ROBO2: variants seen among roughly 807,000 people sequenced by gnomAD.
The protein encoded by ROBO2 is roundabout guidance receptor 2.
A neutral mutation model predicts 160.8 loss-of-function variants in ROBO2; 53 were observed. That is an observed-to-expected ratio of 0.33 (90% CI 0.26 to 0.41). The LOEUF is 0.41. ROBO2 is among the 10% of genes least tolerant of loss of function. The pLI is 1.00. For missense variants in ROBO2, 1,577 were observed against 1,722.4 expected, an observed-to-expected ratio of 0.92 and a Z score of 1.49; for synonymous variants, 664 against 611.7, an observed-to-expected ratio of 1.09 and a Z score of -1.26.
At chr3:76,103,818 A>G (rs28584856) in intron 2 of ROBO2, among the ~76,000 whole-genome samples, 4 of 152,028 alleles carry the variant, frequency 2.6e-5, no homozygotes, top group South Asian at 2.1e-4. Flanking sequence ...GGTGAAGTCA[A>G]TTTGTCCCTT....
intron 2 of ROBO2, among the ~76,000 whole-genome samples, chr3:76,345,947 TA>T (rs1239696784): frequency 3.3e-5 from 5 of 152,136 alleles, no homozygotes. Flanking sequence ...AGTCATTTTT[TA>T]TTCCCAACTG....
chr3:76,636,719 G>A lies in ROBO2; in HGVS notation c.110-461295G>A, dbSNP rs557947681. 2.0e-5 allele frequency among the ~76,000 whole-genome samples: 3 copies of A among 152,288 alleles called. No individual in the cohort carries two copies. In the East Asian group the frequency reaches 5.8e-4, roughly 30 times the overall value. On this transcript the variant is annotated intron_variant, in intron 2 of 26. Transcript: ENST00000487694. ...TACAGGTGGCTTGTCAAAAGCCACAGTAGGACCCAACCATAGCTCCCAGGA... is the reference window on the plus strand; with the variant it reads ...TACAGGTGGCTTGTCAAAAGCCACAATAGGACCCAACCATAGCTCCCAGGA...
At chr3:77,272,149 A>T (rs2059532585) in intron 2 of ROBO2, among the ~76,000 whole-genome samples, 1 of 152,210 alleles carries the variant, frequency 6.6e-6, no homozygotes, top group Non-Finnish European at 1.5e-5. Context: ...ACAGAAACTG[A>T]TATTTTAAAT....
intron 14 of ROBO2, among the ~76,000 whole-genome samples, chr3:77,575,807 G>A (rs918285982): frequency 6.6e-6 from 1 of 152,040 alleles, no homozygotes; most frequent in Non-Finnish European, 1.5e-5. Flanking sequence ...AGTGGAGCAG[G>A]TAACCTTAAC....
At chr3:76,733,888 G>T (rs377208515) in intron 2 of ROBO2, among the ~76,000 whole-genome samples, 1 of 152,198 alleles carries the variant, frequency 6.6e-6, no homozygotes, top group Non-Finnish European at 1.5e-5. Context: ...GGCAGAGCCA[G>T]TGTCTGCTGA....
chr3:76,433,567 G>A (rs935470480), intron 2 of ROBO2, among the ~76,000 whole-genome samples: 5 of 152,066 alleles, frequency 3.3e-5, no homozygotes, highest in African/African-American at 4.8e-5. Flanking sequence ...CAATAAGTGC[G>A]TCAAGTAAAG....
chr3:76,032,184 T>A (rs2066945030), intron 2 of ROBO2, among the ~76,000 whole-genome samples: 1 of 152,224 alleles, frequency 6.6e-6, no homozygotes, highest in South Asian at 2.1e-4. Flanking sequence ...TTTGTATTTC[T>A]GTGGGATCGG....
chr3:77,380,610 T>C (rs980383378), intron 2 of ROBO2, among the ~76,000 whole-genome samples: 15 of 152,122 alleles, frequency 9.9e-5, no homozygotes, highest in African/African-American at 3.6e-4. Flanking sequence ...TATTTAGTGA[T>C]ATCTAAACGT....
chr3:76,901,001 G>T (rs939053417), intron 2 of ROBO2, among the ~76,000 whole-genome samples: 1 of 152,208 alleles, frequency 6.6e-6, no homozygotes, highest in Non-Finnish European at 1.5e-5. Context: ...ATTAAATATT[G>T]TACAAAGCAG....
At chr3:77,550,321 C>A (rs1008337269) in intron 7 of ROBO2, among the ~76,000 whole-genome samples, 7 of 151,992 alleles carry the variant, frequency 4.6e-5, no homozygotes, top group African/African-American at 1.4e-4. Context: ...CACTTTTGAA[C>A]AACTTTGGGA....
chr3:76,298,585 G>A (rs750610196), intron 2 of ROBO2, among the ~76,000 whole-genome samples: 66 of 152,276 alleles, frequency 4.3e-4, no homozygotes, highest in Non-Finnish European at 7.3e-4. Flanking sequence ...CAGAGGTGAG[G>A]AAGGCTAATA....
At chr3:77,359,090 G>A (rs1207733456) in intron 2 of ROBO2, among the ~76,000 whole-genome samples, 1 of 152,186 alleles carries the variant, frequency 6.6e-6, no homozygotes, top group Non-Finnish European at 1.5e-5. Flanking sequence ...GTCCCGACTT[G>A]AATAGAAAGC....
intron 2 of ROBO2, among the ~76,000 whole-genome samples, chr3:76,537,696 A>G (rs920320952): frequency 1.3e-5 from 2 of 152,090 alleles, no homozygotes; most frequent in African/African-American, 2.4e-5. Context: ...ATGTTTGTAT[A>G]GAAGACCACC....
intron 1 of ROBO2, among the ~76,000 whole-genome samples, chr3:77,060,283 A>G (rs1016768147): frequency 6.6e-6 from 1 of 152,188 alleles, no homozygotes; most frequent in African/African-American, 2.4e-5. Flanking sequence ...ATGGCATTTC[A>G]GGAACAGAGG....
At chr3:76,890,106 G>C (rs2074228100) in intron 2 of ROBO2, among the ~76,000 whole-genome samples, 1 of 152,140 alleles carries the variant, frequency 6.6e-6, no homozygotes, top group Non-Finnish European at 1.5e-5. Context: ...ATCATCATCT[G>C]TTTGACATTT....
At chr3:77,411,373 G>A (rs1461616887) in intron 2 of ROBO2, among the ~76,000 whole-genome samples, 1 of 152,174 alleles carries the variant, frequency 6.6e-6, no homozygotes, top group African/African-American at 2.4e-5. Context: ...TTCCACTGCT[G>A]TAAATCTATA....
intron 11 of ROBO2, among the ~76,000 whole-genome samples, chr3:77,564,073 T>G (rs2093412680): frequency 6.6e-6 from 1 of 152,152 alleles, no homozygotes; most frequent in African/African-American, 2.4e-5. Context: ...TTTTTAAACA[T>G]TAGGACAAAT....
chr3:76,435,054 T>C, intron 2 of ROBO2: 1 of 1,172,814 alleles, frequency 8.5e-7, no homozygotes. Flanking sequence ...ACAAATGGCT[T>C]ACATATACAA....
intron 2 of ROBO2, among the ~76,000 whole-genome samples, chr3:76,612,511 G>A (rs2088207750): frequency 6.6e-6 from 1 of 152,066 alleles, no homozygotes; most frequent in African/African-American, 2.4e-5. Flanking sequence ...GAGAACACAT[G>A]GACACAGGGA....
Sources: gnomAD v4.1 joint callset for allele counts (sites outside exome capture counted in the v4.1 genomes callset) on GRCh38, gnomAD v4.1.1 for gene constraint, MANE v1.5 for transcripts, NCBI Gene and HGNC (gene_info 2026-07-23, HGNC 2026-07-21) for gene names.